DOK5: variants seen among roughly 807,000 people sequenced by gnomAD.
DOK5 encodes docking protein 5.
Under a neutral mutation model 43.3 loss-of-function variants are expected in DOK5, and 27 were observed. The ratio of observed to expected loss-of-function variants is 0.62; its 90% CI spans 0.46 to 0.86. DOK5 has a LOEUF of 0.86. Ranked by LOEUF, DOK5 falls within the 40% of genes least tolerant of loss-of-function variation. The pLI, the probability that DOK5 is intolerant of heterozygous loss-of-function variation, is 0.00. For synonymous variants in DOK5, 146 were observed against 140.1 expected (o/e 1.04, Z -0.30); for missense variants, 373 against 392.9 (o/e 0.95, Z 0.43).
chr20:54,610,780 A>C (rs1290915707), intron 6 of DOK5, among the ~76,000 whole-genome samples: 1 of 152,258 alleles, frequency 6.6e-6, no homozygotes, highest in African/African-American at 2.4e-5. Context: ...GTGTGTACAG[A>C]CATCTATAGA....
At chr20:54,556,660 A>T (rs1178139733) in intron 2 of DOK5, among the ~76,000 whole-genome samples, 1 of 152,198 alleles carries the variant, frequency 6.6e-6, no homozygotes, top group Non-Finnish European at 1.5e-5. Flanking sequence ...ACCCAGGAAG[A>T]TGTTTGGCTT....
chr20:54,493,213 C>T (rs1375846552), intron 1 of DOK5, among the ~76,000 whole-genome samples: 1 of 152,084 alleles, frequency 6.6e-6, no homozygotes, highest in Admixed American at 6.6e-5. Flanking sequence ...CTGTGCCTTC[C>T]CCTTGCACAT....
intron 2 of DOK5, among the ~76,000 whole-genome samples, chr20:54,576,009 T>G (rs1300791840): frequency 6.6e-6 from 1 of 152,068 alleles, no homozygotes; most frequent in African/African-American, 2.4e-5. Context: ...AAGAAAATCA[T>G]GAACACAGAG....
At chr20:54,644,997 C>CATT (rs1979331189) in intron 7 of DOK5, among the ~76,000 whole-genome samples, 5 of 82,414 alleles carry the variant, frequency 6.1e-5, no homozygotes, top group African/African-American at 2.3e-4. Flanking sequence ...TAAAAAAACT[C>CATT]TTTTTTTTTT....
At chr20:54,608,960 C>G (rs1986556614) in intron 5 of DOK5, among the ~76,000 whole-genome samples, 1 of 152,118 alleles carries the variant, frequency 6.6e-6, no homozygotes, top group African/African-American at 2.4e-5. Flanking sequence ...CAGGTGTGAG[C>G]CACCACACCC....
rs75091666 is a variant in DOK5 at position 54,640,237 on chromosome 20, T to C, written c.736-3221T>C. On this transcript the variant is annotated intron_variant, in intron 6 of 7. Coordinates refer to ENST00000262593, the MANE Select transcript of DOK5 (RefSeq NM_018431.5). ...TTCTATATTCACATTGAAGTTGTAA[T>C]GAAACAAAGCTGAATGCATTGACGT... Among the ~76,000 whole-genome samples the C allele has an allele frequency of 3.2e-3, 493 of 152,370 alleles. 2 individuals are homozygous for C. Among genetic ancestry groups the C allele is most frequent in the Non-Finnish European group, 5.0e-3 (338 of 68,032 alleles).
intron 1 of DOK5, among the ~76,000 whole-genome samples, chr20:54,512,010 C>T (rs1983031512): frequency 6.6e-6 from 1 of 152,120 alleles, no homozygotes. Context: ...CTCTGTTGAA[C>T]CTGTGGCTGT....
At chr20:54,549,541 G>A (rs1263278999) in intron 1 of DOK5, among the ~76,000 whole-genome samples, 4 of 152,044 alleles carry the variant, frequency 2.6e-5, no homozygotes, top group East Asian at 1.9e-4. Flanking sequence ...TAAGAAATGA[G>A]AAAAAAGTCC....
At chr20:54,528,341 G>C (rs1477597028) in intron 1 of DOK5, among the ~76,000 whole-genome samples, 1 of 152,112 alleles carries the variant, frequency 6.6e-6, no homozygotes, top group Non-Finnish European at 1.5e-5. Flanking sequence ...AGGTCGTTTA[G>C]TTTTCTTTCA....
intron 2 of DOK5, 119 bp from the exon 3 acceptor site, chr20:54,588,364 T>A: frequency 1.3e-6 from 1 of 757,390 alleles, no homozygotes; most frequent in Non-Finnish European, 2.3e-6. Context: ...TAGATACTTT[T>A]TCAACAGGTT....
intron 1 of DOK5, among the ~76,000 whole-genome samples, chr20:54,537,831 CTTT>C (rs927019328): frequency 0.018 from 1,634 of 89,310 alleles, 12 homozygotes; most frequent in African/African-American, 0.068. Context: ...TGTACAAGTT[CTTT>C]TTTTTTTTTT....
At chr20:54,524,381 C>T (rs1182652241) in intron 1 of DOK5, among the ~76,000 whole-genome samples, 1 of 152,212 alleles carries the variant, frequency 6.6e-6, no homozygotes, top group Non-Finnish European at 1.5e-5. Flanking sequence ...ATGCAATGAA[C>T]ATGAGCAGGA....
intron 5 of DOK5, among the ~76,000 whole-genome samples, chr20:54,597,674 G>T (rs949758423): frequency 2.0e-5 from 3 of 152,160 alleles, no homozygotes; most frequent in African/African-American, 7.2e-5. Context: ...TTTTAAGAAG[G>T]CTCACCTTCT....
At chr20:54,526,921 G>A (rs927358168) in intron 1 of DOK5, among the ~76,000 whole-genome samples, 2 of 152,110 alleles carry the variant, frequency 1.3e-5, no homozygotes, top group African/African-American at 4.8e-5. Context: ...TGAGGTTATA[G>A]TTATTATAGT....
intron 6 of DOK5, among the ~76,000 whole-genome samples, chr20:54,633,712 T>G (rs1268076368): frequency 6.6e-6 from 1 of 152,180 alleles, no homozygotes; most frequent in African/African-American, 2.4e-5. Flanking sequence ...AGACCCCACT[T>G]GAGTTATTAA....
intron 1 of DOK5, among the ~76,000 whole-genome samples, chr20:54,496,486 A>T (rs148655960): frequency 0.02 from 3,010 of 152,226 alleles, 84 homozygotes; most frequent in African/African-American, 0.064. Flanking sequence ...AGAAAAAAAG[A>T]GCTGAGCACG....
At chr20:54,567,777 G>A (rs781667740) in intron 2 of DOK5, among the ~76,000 whole-genome samples, 1 of 152,080 alleles carries the variant, frequency 6.6e-6, no homozygotes, top group African/African-American at 2.4e-5. Flanking sequence ...TGGGAGAACC[G>A]ATATCTTTTC....
intron 2 of DOK5, among the ~76,000 whole-genome samples, chr20:54,564,094 A>T (rs908707381): frequency 6.6e-6 from 1 of 152,182 alleles, no homozygotes; most frequent in African/African-American, 2.4e-5. Flanking sequence ...AGATACATTC[A>T]TTGTGATGAA....
At chr20:54,564,329 G>C (rs989937452) in intron 2 of DOK5, among the ~76,000 whole-genome samples, 1 of 152,156 alleles carries the variant, frequency 6.6e-6, no homozygotes, top group Non-Finnish European at 1.5e-5. Flanking sequence ...TACTCGGGAG[G>C]CTGAGGCAGG....
Sources: gnomAD v4.1 joint callset for allele counts (sites outside exome capture counted in the v4.1 genomes callset) on GRCh38, gnomAD v4.1.1 for gene constraint, MANE v1.5 for transcripts, NCBI Gene and HGNC (gene_info 2026-07-23, HGNC 2026-07-21) for gene names.